The following LPAR1 variants were observed in gnomAD, a reference collection of about 807,000 sequenced individuals.
LPAR1 encodes LPA receptor 1.
Under a neutral mutation model 23.8 loss-of-function variants are expected in LPAR1, and 5 were observed. The observed-to-expected ratio is 0.21, with a 90% CI of 0.11 to 0.44. The LOEUF is 0.44. LPAR1 is among the 20% of genes least tolerant of loss of function. The pLI is 0.99. For missense variants in LPAR1, 311 were observed against 482.8 expected (o/e 0.64, Z 3.33); for synonymous variants, 160 against 164.7 (o/e 0.97, Z 0.22).
At chr9:110,877,696 T>C (rs992395092) in intron 5 of LPAR1, among the ~76,000 whole-genome samples, 4 of 152,234 alleles carry the variant, frequency 2.6e-5, no homozygotes, top group Non-Finnish European at 4.4e-5. Context: ...AACAGCATTC[T>C]TTCAAGTTTC....
intron 2 of LPAR1, among the ~76,000 whole-genome samples, chr9:111,009,789 A>T (rs532642260): frequency 2.6e-5 from 4 of 151,796 alleles, no homozygotes; most frequent in Admixed American, 2.0e-4. Flanking sequence ...GATTTGGATG[A>T]TTTTTACCTA....
intron 3 of LPAR1, among the ~76,000 whole-genome samples, 162 bp from the exon 4 acceptor site, chr9:110,972,382 C>A (rs1040354717): frequency 6.6e-6 from 1 of 152,140 alleles, no homozygotes; most frequent in South Asian, 2.1e-4. Flanking sequence ...CTAAAAGCCA[C>A]GACTTCTGTG....
intron 5 of LPAR1, among the ~76,000 whole-genome samples, chr9:110,937,516 A>G (rs2094802853): frequency 6.6e-6 from 1 of 152,182 alleles, no homozygotes; most frequent in Non-Finnish European, 1.5e-5. Context: ...GAAAATAAGG[A>G]TAACAAATCA....
chr9:110,893,012 G>T (rs2133345236), intron 5 of LPAR1, among the ~76,000 whole-genome samples: 1 of 152,292 alleles, frequency 6.6e-6, no homozygotes, highest in Non-Finnish European at 1.5e-5. Flanking sequence ...CAAGCGCTTT[G>T]GCTTCAGAAC....
chr9:111,019,679 A>T (rs941823533), intron 2 of LPAR1, among the ~76,000 whole-genome samples: 12 of 151,690 alleles, frequency 7.9e-5, no homozygotes, highest in African/African-American at 2.9e-4. Context: ...CTACTAAAAA[A>T]AAAAACATAC....
intron 5 of LPAR1, among the ~76,000 whole-genome samples, chr9:110,896,367 T>G (rs1414391833): frequency 2.0e-5 from 3 of 152,226 alleles, no homozygotes; most frequent in Admixed American, 6.5e-5. Flanking sequence ...ATCTTTTAAA[T>G]GCATTTATAT....
intron 5 of LPAR1, among the ~76,000 whole-genome samples, chr9:110,925,336 T>G (rs1253239354): frequency 6.6e-6 from 1 of 151,956 alleles, no homozygotes; most frequent in Non-Finnish European, 1.5e-5. Context: ...CCAAGATGCT[T>G]GAGCAGATGC....
At chr9:110,880,564 G>A (rs979917374) in intron 5 of LPAR1, among the ~76,000 whole-genome samples, 1 of 152,306 alleles carries the variant, frequency 6.6e-6, no homozygotes, top group East Asian at 1.9e-4. Flanking sequence ...CACAGAAAGC[G>A]TTTCTAGTCT....
In LPAR1 at chr9:111,018,548, T is replaced by C. The variant is rs73657228; in HGVS notation, c.-182+17574A>G. Among the ~76,000 whole-genome samples, 1,472 of 152,308 alleles carry C rather than the reference T, an allele frequency of 9.7e-3. 22 individuals are homozygous for C. The highest frequency in any genetic ancestry group is 0.033 in the African/African-American group (1,376 of 41,570). ...AGGACAAAGTACTGATTATGCCCAG[T>C]AGGATTCCAACTAGATAAAATTTAC... On this transcript the variant is annotated intron_variant, in intron 2 of 5. Coordinates refer to ENST00000683809, the MANE Select transcript of LPAR1 (RefSeq NM_001351411.2).
intron 5 of LPAR1, among the ~76,000 whole-genome samples, chr9:110,938,047 AG>A (rs2094842200): frequency 6.6e-6 from 1 of 152,178 alleles, no homozygotes; most frequent in Non-Finnish European, 1.5e-5. Flanking sequence ...TTTTGAAGGC[AG>A]AGAAACTTGG....
chr9:110,875,910 T>C (rs2078990113), intron 5 of LPAR1, among the ~76,000 whole-genome samples, 188 bp from the exon 6 acceptor site: 1 of 152,198 alleles, frequency 6.6e-6, no homozygotes, highest in African/African-American at 2.4e-5. Context: ...ATAGTCAACT[T>C]AAAATTTTAT....
intron 2 of LPAR1, among the ~76,000 whole-genome samples, chr9:110,993,655 C>T (rs972955971): frequency 2.0e-5 from 3 of 152,148 alleles, no homozygotes; most frequent in African/African-American, 7.2e-5. Flanking sequence ...GTGTGTGTTG[C>T]ACAGTGAGAA....
chr9:110,957,248 A>G (rs1285116495), intron 4 of LPAR1, among the ~76,000 whole-genome samples: 1 of 151,240 alleles, frequency 6.6e-6, no homozygotes, highest in East Asian at 1.9e-4. Flanking sequence ...TCCCAGCTAC[A>G]TGGGAGGCTG....
intron 5 of LPAR1, among the ~76,000 whole-genome samples, chr9:110,917,487 A>G (rs2093272119): frequency 6.6e-6 from 1 of 152,220 alleles, no homozygotes; most frequent in Non-Finnish European, 1.5e-5. Context: ...TGACTGGGCT[A>G]TATCTTTAAG....
chr9:110,993,164 G>A (rs2096929631), intron 2 of LPAR1, among the ~76,000 whole-genome samples: 1 of 151,830 alleles, frequency 6.6e-6, no homozygotes. Context: ...TAGGGTACAT[G>A]TGCACCACGT....
intron 5 of LPAR1, among the ~76,000 whole-genome samples, chr9:110,927,298 A>G (rs1295171914): frequency 6.6e-6 from 1 of 151,336 alleles, no homozygotes; most frequent in African/African-American, 2.4e-5. Flanking sequence ...TTCATAACTT[A>G]CATTTGTGTG....
intron 2 of LPAR1, 95 bp from the exon 3 acceptor site, chr9:110,973,653 G>A (rs1338382411): frequency 1.3e-5 from 2 of 152,070 alleles, no homozygotes; most frequent in African/African-American, 4.8e-5. Context: ...TCTTATTCAC[G>A]TGTTCATTAA....
intron 2 of LPAR1, among the ~76,000 whole-genome samples, chr9:110,999,184 C>T (rs1460308906): frequency 1.3e-5 from 2 of 152,232 alleles, no homozygotes; most frequent in East Asian, 3.9e-4. Context: ...CACCCAATTT[C>T]CAGTCAAAAT....
At chr9:110,893,884 C>A (rs1287621829) in intron 5 of LPAR1, among the ~76,000 whole-genome samples, 1 of 151,984 alleles carries the variant, frequency 6.6e-6, no homozygotes, top group African/African-American at 2.4e-5. Context: ...GCTCCCTGGT[C>A]TAAGACGGAG....
Sources: allele counts gnomAD v4.1 joint callset (sites outside exome capture counted in the v4.1 genomes callset), GRCh38; gene constraint gnomAD v4.1.1; transcripts MANE v1.5; gene names NCBI Gene and HGNC (gene_info 2026-07-23, HGNC 2026-07-21).